Variants in GPR176 observed in about 807,000 individuals in gnomAD.
The protein encoded by GPR176 is G-protein coupled receptor 176.
A neutral mutation model predicts 35.4 loss-of-function variants in GPR176; 26 were observed. The observed-to-expected ratio is 0.74, with a 90% confidence interval of 0.54 to 1.02. The LOEUF (loss-of-function observed/expected upper bound fraction) is 1.02, where lower values mean the gene tolerates loss of function less well. GPR176 is among the 50% of genes least tolerant of loss of function. The pLI, the probability that GPR176 is intolerant of heterozygous loss-of-function variation, is 0.00. For synonymous variants in GPR176, 278 were observed against 271.3 expected, an observed-to-expected ratio of 1.02 and a Z score of -0.24; for missense variants, 597 against 665.3, an observed-to-expected ratio of 0.90 and a Z score of 1.13.
At chr15:39,831,985 CAT>C (rs1901108320) in intron 1 of GPR176, among the ~76,000 whole-genome samples, 1 of 136,842 alleles carries the variant, frequency 7.3e-6, no homozygotes, top group Non-Finnish European at 1.6e-5. Flanking sequence ...ATATCACACA[CAT>C]GTGCATGCAC....
chr15:39,919,619 T>C (rs572615492), intron 1 of GPR176, among the ~76,000 whole-genome samples: 8 of 152,110 alleles, frequency 5.3e-5, no homozygotes, highest in Non-Finnish European at 1.2e-4. Context: ...TGGATCCCGC[T>C]CCATCCTCGG....
At chr15:39,903,376 G>A (rs1461971252) in intron 1 of GPR176, among the ~76,000 whole-genome samples, 1 of 152,194 alleles carries the variant, frequency 6.6e-6, no homozygotes, top group Non-Finnish European at 1.5e-5. Context: ...GTTTTAAAAA[G>A]AAGCAAATTA....
intron 1 of GPR176, among the ~76,000 whole-genome samples, chr15:39,858,740 C>T (rs565353110): frequency 1.5e-3 from 227 of 152,148 alleles, no homozygotes; most frequent in African/African-American, 5.2e-3. Context: ...AAACAAAATA[C>T]AAATTCTTTT....
At chr15:39,864,932 G>GAA (rs529480544) in intron 1 of GPR176, among the ~76,000 whole-genome samples, 1 of 102,850 alleles carries the variant, frequency 9.7e-6, no homozygotes. Context: ...CAGGCATGTG[G>GAA]AAAAAAAAAA....
intron 1 of GPR176, among the ~76,000 whole-genome samples, chr15:39,838,767 T>C (rs886336698): frequency 6.6e-6 from 1 of 152,170 alleles, no homozygotes; most frequent in Non-Finnish European, 1.5e-5. Context: ...CTTCAAAAAC[T>C]GGCACAAAAC....
intron 1 of GPR176, among the ~76,000 whole-genome samples, chr15:39,843,371 T>C (rs1415035888): frequency 6.6e-6 from 1 of 152,092 alleles, no homozygotes; most frequent in Non-Finnish European, 1.5e-5. Context: ...TCATTATTTT[T>C]ACTATCCTGC....
chr15:39,856,397 T>A (rs2031221955), intron 1 of GPR176, among the ~76,000 whole-genome samples: 5 of 152,226 alleles, frequency 3.3e-5, no homozygotes, highest in Admixed American at 6.5e-5. Context: ...ACTTGGCAGC[T>A]TCAAACAACA....
rs58812005 is a variant in GPR176, at chr15:39,817,068, CAA to C, written c.173-9812_173-9811del. 1.4e-3 allele frequency among the ~76,000 whole-genome samples: 110 copies of C among 77,274 alleles called. 2 individuals are homozygous for C. Among genetic ancestry groups the C allele is most frequent in the African/African-American group, 5.4e-3 (94 of 17,250 alleles). The allele number at this position is 77,274 out of a possible 152,430, so 50.7% of individuals were successfully genotyped here. On this transcript the variant is annotated intron_variant, in intron 1 of 2. Coordinates refer to ENST00000561100, the MANE Select transcript of GPR176 (RefSeq NM_007223.3). ...TTGGTAACAGAGCAGGATTCTGTCT[CAA>C]AAAAAAAAAAAAAGCTTTGAAAAAC...
At chr15:39,814,107 G>A (rs1447928096) in intron 1 of GPR176, among the ~76,000 whole-genome samples, 5 of 152,148 alleles carry the variant, frequency 3.3e-5, no homozygotes, top group African/African-American at 9.7e-5. Flanking sequence ...TAAAATGTTT[G>A]CAACTGTGCA....
intron 2 of GPR176, among the ~76,000 whole-genome samples, chr15:39,802,855 A>G (rs1449936287): frequency 6.6e-6 from 1 of 152,246 alleles, no homozygotes; most frequent in African/African-American, 2.4e-5. Context: ...AATTCAGCTG[A>G]CAAAAGTTAT....
chr15:39,853,035 C>T (rs1352102045), intron 1 of GPR176, among the ~76,000 whole-genome samples: 2 of 152,012 alleles, frequency 1.3e-5, no homozygotes, highest in East Asian at 1.9e-4. Flanking sequence ...AAAATAGAAC[C>T]ATTATATAAT....
intron 1 of GPR176, among the ~76,000 whole-genome samples, chr15:39,826,932 G>A: frequency 6.6e-6 from 1 of 152,110 alleles, no homozygotes; most frequent in East Asian, 1.9e-4. Flanking sequence ...AGTATTAAAA[G>A]GTATGAAGAT....
chr15:39,863,751 C>T (rs1280695796), intron 1 of GPR176, among the ~76,000 whole-genome samples: 1 of 152,086 alleles, frequency 6.6e-6, no homozygotes, highest in African/African-American at 2.4e-5. Context: ...TTTACTCTAC[C>T]TTTTTATGTT....
At chr15:39,881,539 G>A (rs756017499) in intron 1 of GPR176, among the ~76,000 whole-genome samples, 8 of 152,140 alleles carry the variant, frequency 5.3e-5, no homozygotes, top group Non-Finnish European at 4.4e-5. Flanking sequence ...ATTTTTCACA[G>A]CAATGCGGTT....
intron 1 of GPR176, among the ~76,000 whole-genome samples, chr15:39,853,378 AGTAGATTGGTGGTTT>A (rs997408577): frequency 6.2e-4 from 95 of 152,170 alleles, no homozygotes; most frequent in African/African-American, 2.1e-3. Flanking sequence ...AGAGACAGAA[AGTAGATTGGTGGTTT>A]CCAGGAGCTG....
At chr15:39,811,164 T>C (rs993202622) in intron 1 of GPR176, among the ~76,000 whole-genome samples, 1 of 152,168 alleles carries the variant, frequency 6.6e-6, no homozygotes, top group Admixed American at 6.6e-5. Context: ...TTTTAATTGG[T>C]ATATTTAGAA....
intron 1 of GPR176, chr15:39,894,436 C>T (rs1281158301): frequency 6.2e-6 from 1 of 161,758 alleles, no homozygotes; most frequent in Non-Finnish European, 1.3e-5. Context: ...GGGCGGCTGC[C>T]GGGCGGAGGG....
intron 1 of GPR176, among the ~76,000 whole-genome samples, chr15:39,918,340 C>T (rs576884687): frequency 2.2e-4 from 33 of 152,286 alleles, no homozygotes; most frequent in Middle Eastern, 3.4e-3. Context: ...AATTTTTAGA[C>T]TCAAACCATG....
At chr15:39,907,416 G>C (rs2033453965) in intron 1 of GPR176, among the ~76,000 whole-genome samples, 1 of 152,170 alleles carries the variant, frequency 6.6e-6, no homozygotes, top group Non-Finnish European at 1.5e-5. Context: ...ATCAGCTGAG[G>C]ACACTCATTT....
Sources: gnomAD v4.1 joint callset for allele counts (sites outside exome capture counted in the v4.1 genomes callset) on GRCh38, gnomAD v4.1.1 for gene constraint, MANE v1.5 for transcripts, NCBI Gene and HGNC (gene_info 2026-07-23, HGNC 2026-07-21) for gene names.